RAD51B: variants seen among roughly 807,000 people sequenced by gnomAD.
RAD51B encodes the protein RAD51 paralog B, also known as DNA repair protein RAD51 homolog 2.
In RAD51B, 38 loss-of-function variants were observed where a neutral mutation model predicts 42.2. The ratio of observed to expected loss-of-function variants is 0.90; its 90% CI spans 0.70 to 1.18. RAD51B has a LOEUF of 1.18. Among genes scored for constraint, RAD51B ranks in the 50% most tolerant of loss-of-function variants. The pLI is 0.00. For missense variants in RAD51B, 373 were observed against 400.7 expected, an observed-to-expected ratio of 0.93 and a Z score of 0.59; for synonymous variants, 154 against 145.2, an observed-to-expected ratio of 1.06 and a Z score of -0.43.
chr14:68,356,900 A>G (rs12887666), intron 8 of RAD51B, among the ~76,000 whole-genome samples: 118,474 of 149,852 alleles, frequency 0.79, 47,093 homozygotes, highest in East Asian at 0.99. Context: ...GGAGAATGGC[A>G]TGAACCCGGG....
intron 7 of RAD51B, among the ~76,000 whole-genome samples, chr14:67,992,853 A>G (rs1306268899): frequency 6.6e-6 from 1 of 152,182 alleles, no homozygotes; most frequent in Non-Finnish European, 1.5e-5. Context: ...TAGTGCTATG[A>G]AATGAATATG....
At chr14:67,947,900 T>C (rs1455417346) in intron 7 of RAD51B, among the ~76,000 whole-genome samples, 1 of 152,214 alleles carries the variant, frequency 6.6e-6, no homozygotes, top group African/African-American at 2.4e-5. Context: ...TCTCCTACTT[T>C]AGAGGAAAAC....
intron 7 of RAD51B, among the ~76,000 whole-genome samples, chr14:67,955,054 A>C (rs1270570628): frequency 6.6e-6 from 1 of 152,168 alleles, no homozygotes; most frequent in Non-Finnish European, 1.5e-5. Flanking sequence ...GCCATTGGCC[A>C]AGAATGAGGA....
intron 7 of RAD51B, among the ~76,000 whole-genome samples, chr14:67,890,585 A>G (rs1257959755): frequency 6.6e-6 from 1 of 150,660 alleles, no homozygotes; most frequent in African/African-American, 2.4e-5. Context: ...AGCATTAGGT[A>G]TATCTCCCAG....
At chr14:68,612,410 T>C (rs931199919), downstream of RAD51B, among the ~76,000 whole-genome samples, 1 of 152,240 alleles carries the variant, frequency 6.6e-6, no homozygotes, top group Non-Finnish European at 1.5e-5. Flanking sequence ...CAGAATCTGC[T>C]ATCCTTCCTC....
chr14:68,493,063 G>A (rs1443386700), intron 10 of RAD51B, among the ~76,000 whole-genome samples: 1 of 152,112 alleles, frequency 6.6e-6, no homozygotes, highest in Admixed American at 6.5e-5. Context: ...AGCGACACCG[G>A]AGATGAGGGG....
chr14:68,229,107 A>G (rs1358270889), intron 7 of RAD51B, among the ~76,000 whole-genome samples: 1 of 152,246 alleles, frequency 6.6e-6, no homozygotes, highest in Admixed American at 6.5e-5. Context: ...ATTAACAGGC[A>G]CCTTTGAGAC....
intron 7 of RAD51B, among the ~76,000 whole-genome samples, chr14:67,910,441 A>AATAT (rs1566953769): frequency 6.8e-6 from 1 of 146,076 alleles, no homozygotes; most frequent in East Asian, 2.0e-4. Flanking sequence ...AAAAAAAAAA[A>AATAT]ATATTTAAAT....
intron 4 of RAD51B, among the ~76,000 whole-genome samples, chr14:67,854,398 C>T (rs972100699): frequency 6.6e-6 from 1 of 152,096 alleles, no homozygotes; most frequent in African/African-American, 2.4e-5. Context: ...CTTTGGGAGG[C>T]CGAGATGGGC....
chr14:68,187,660 T>A (rs574131723), intron 7 of RAD51B, among the ~76,000 whole-genome samples: 3 of 152,334 alleles, frequency 2.0e-5, no homozygotes, highest in Non-Finnish European at 4.4e-5. Flanking sequence ...TTAACTGATA[T>A]TAGCATGTTT....
At chr14:68,122,453 A>G (rs1017710546) in intron 7 of RAD51B, among the ~76,000 whole-genome samples, 4 of 152,182 alleles carry the variant, frequency 2.6e-5, no homozygotes, top group Admixed American at 1.3e-4. Context: ...TTTAAAATTT[A>G]AGAAAAAGAT....
chr14:67,954,278 G>A (rs28488544), intron 7 of RAD51B, among the ~76,000 whole-genome samples: 41,555 of 152,120 alleles, frequency 0.27, 7,370 homozygotes, highest in African/African-American at 0.5. Context: ...ACCTTACCAG[G>A]TAGGTAAGAT....
chr14:68,429,189 A>G (rs2084935936), intron 9 of RAD51B, among the ~76,000 whole-genome samples: 2 of 152,076 alleles, frequency 1.3e-5, no homozygotes, highest in African/African-American at 2.4e-5. Context: ...AGTCTTTGCT[A>G]TTGTGTATAG....
At chr14:68,104,907 T>C (rs1351104695) in intron 7 of RAD51B, among the ~76,000 whole-genome samples, 1 of 152,114 alleles carries the variant, frequency 6.6e-6, no homozygotes, top group African/African-American at 2.4e-5. Flanking sequence ...TTACTATGCC[T>C]GCACAGGAGT....
At chr14:68,413,070 T>C (rs12717531) in intron 9 of RAD51B, among the ~76,000 whole-genome samples, 26,772 of 152,226 alleles carry the variant, frequency 0.18, 2,741 homozygotes, top group East Asian at 0.44. Flanking sequence ...TCATCTATTA[T>C]ATATGGTATC....
chr14:68,569,879 G>A (rs941783195), intron 10 of RAD51B, among the ~76,000 whole-genome samples: 3 of 152,192 alleles, frequency 2.0e-5, no homozygotes, highest in Admixed American at 6.5e-5. Flanking sequence ...AAAGTGAGGA[G>A]AGGCAGGTGG....
Position 68,316,340 on chromosome 14 carries a change from A to G in RAD51B, c.853+24360A>G, listed in dbSNP as rs151319884. Among the ~76,000 whole-genome samples, 28 of 152,350 alleles carry G rather than the reference A, an allele frequency of 1.8e-4. No homozygotes were observed. The South Asian group carries it at 3.3e-3, about 18-fold the overall frequency. ...CCAGTTTACCAACCTGGCACGAATT[A>G]TGTGCTGGTCAAGGAAGTGTTTTTC... On this transcript the variant is annotated intron_variant, in intron 8 of 10. Transcript: ENST00000471583.
chr14:68,454,476 A>C (rs2085634199), intron 9 of RAD51B, among the ~76,000 whole-genome samples: 1 of 152,238 alleles, frequency 6.6e-6, no homozygotes, highest in Non-Finnish European at 1.5e-5. Context: ...GTGGAATTTT[A>C]ACTTGCCCTA....
At chr14:68,040,925 C>T (rs188080789) in intron 7 of RAD51B, among the ~76,000 whole-genome samples, 7 of 152,262 alleles carry the variant, frequency 4.6e-5, no homozygotes, top group East Asian at 1.9e-4. Context: ...TTCTGCCTCC[C>T]GTAGGAGAAG....
Sources: allele counts gnomAD v4.1 joint callset (sites outside exome capture counted in the v4.1 genomes callset), GRCh38; gene constraint gnomAD v4.1.1; transcripts MANE v1.5; gene names NCBI Gene and HGNC (gene_info 2026-07-23, HGNC 2026-07-21).